The following ADAMTS19 variants were observed in gnomAD, a reference collection of about 807,000 sequenced individuals.
ADAMTS19 encodes the protein ADAM metallopeptidase with thrombospondin type 1 motif 19.
In ADAMTS19, 93 loss-of-function variants were observed where a neutral mutation model predicts 153.3. The ratio of observed to expected loss-of-function variants is 0.61; its 90% CI spans 0.51 to 0.72. The LOEUF is 0.72. ADAMTS19 is among the 30% of genes least tolerant of loss of function. The probability of loss-of-function intolerance (pLI) is 0.00; values close to 1 mark genes in which losing one functional copy is unlikely to be tolerated. For missense variants in ADAMTS19, 1,482 were observed against 1,552.1 expected (o/e 0.95, Z 0.76); for synonymous variants, 600 against 556.6 (o/e 1.08, Z -1.10).
intron 18 of ADAMTS19, among the ~76,000 whole-genome samples, chr5:129,684,752 C>A (rs1333983360): frequency 6.6e-6 from 1 of 151,832 alleles, no homozygotes; most frequent in Non-Finnish European, 1.5e-5. Flanking sequence ...CTCTGGGAGG[C>A]CGAGGCGGGC....
intron 6 of ADAMTS19, among the ~76,000 whole-genome samples, chr5:129,550,849 A>G (rs550535850): frequency 2.0e-5 from 3 of 151,826 alleles, no homozygotes; most frequent in South Asian, 4.1e-4. Flanking sequence ...TAAAAATTGT[A>G]TAGAACCTAA....
At position 129,737,473 on chromosome 5, in the gene ADAMTS19, G is replaced by T; in HGVS notation, c.*255G>T. 4.1e-6 allele frequency: 1 copy of T among 241,804 alleles called. No homozygotes were observed. The highest frequency in any genetic ancestry group is 8.4e-5 in the East Asian group (1 of 11,974). The allele number at this position is 241,804 out of a possible 1,614,324, so 15.0% of individuals were successfully genotyped here. On this transcript the variant is annotated 3_prime_UTR_variant, in exon 23 of 23. Coordinates refer to ENST00000274487, the MANE Select transcript of ADAMTS19 (RefSeq NM_133638.6). ...CCAGTAATATAATAAAAAGAAAAAG[G>T]AAAAAAATAGATCATTATACTTAAA...
intron 6 of ADAMTS19, among the ~76,000 whole-genome samples, chr5:129,538,426 T>G (rs1752538266): frequency 1.3e-5 from 2 of 152,086 alleles, no homozygotes; most frequent in Admixed American, 1.3e-4. Context: ...TGCCATTTTT[T>G]CTTTCAAAAC....
Position 129,647,915 on chromosome 5 carries a change from T to C in ADAMTS19, c.2003+20T>C. On this transcript the variant is annotated intron_variant, in intron 12 of 22. Coordinates refer to ENST00000274487, the MANE Select transcript of ADAMTS19 (RefSeq NM_133638.6). ...TCCTGGGTAAACTCAAAGTTCCTGG[T>C]TGGGGGAGGGCACTTTTCAATTTTG... is the stretch of plus-strand genomic sequence containing the variant. 6.2e-7 allele frequency: 1 copy of C among 1,600,202 alleles called. No homozygotes were observed. Among genetic ancestry groups the C allele is most frequent in the African/African-American group, 1.3e-5 (1 of 74,798 alleles).
At chr5:129,483,334 T>A (rs1242214833) in intron 2 of ADAMTS19, among the ~76,000 whole-genome samples, 1 of 152,238 alleles carries the variant, frequency 6.6e-6, no homozygotes, top group Non-Finnish European at 1.5e-5. Context: ...TTCTACCTCA[T>A]ATGGTTATAG....
rs565229114 is a variant in ADAMTS19 at position 129,460,298 on chromosome 5, G to T, written c.-94G>T. On this transcript the variant is annotated 5_prime_UTR_variant, in exon 1 of 23. Coordinates refer to ENST00000274487, the MANE Select transcript of ADAMTS19 (RefSeq NM_133638.6). ...AAGGGCCTGGGCAAATTCGCCGCCC[G>T]GCCTCCTAGCGCTCCGGGGAGGCCG... 8.2e-6 allele frequency: 4 copies of T among 488,604 alleles called. No individual in the cohort carries two copies. The highest frequency in any genetic ancestry group is 1.2e-5 in the Non-Finnish European group (4 of 337,672). The allele number at this position is 488,604 out of a possible 1,614,324, so 30.3% of individuals were successfully genotyped here.
intron 10 of ADAMTS19, among the ~76,000 whole-genome samples, chr5:129,641,186 C>G (rs892755652): frequency 6.6e-6 from 1 of 152,146 alleles, no homozygotes; most frequent in African/African-American, 2.4e-5. Flanking sequence ...GACAATTTTT[C>G]TTTTACATTT....
Position 129,461,035 on chromosome 5 carries a change from T to G in ADAMTS19, c.92-67T>G. The G allele has an allele frequency of 7.8e-7, 1 of 1,283,936 alleles. No individual in the cohort carries two copies. Among genetic ancestry groups the G allele is most frequent in the Non-Finnish European group, 9.8e-7 (1 of 1,017,810 alleles). The allele number at this position is 1,283,936 out of a possible 1,614,324, so 79.5% of individuals were successfully genotyped here. On this transcript the variant is annotated intron_variant, in intron 1 of 22. Coordinates refer to ENST00000274487, the MANE Select transcript of ADAMTS19 (RefSeq NM_133638.6). This position sits in a 1 kb window ranked among gnomAD's most constrained non-coding sequence, Gnocchi z 4.6. ...GCCCTGTATCTATGGACTGTGAGCT[T>G]GGAAATGTTTGTGCTACTGGAACCG...
chr5:129,591,150 A>G (rs1217067003), intron 7 of ADAMTS19, among the ~76,000 whole-genome samples: 1 of 152,154 alleles, frequency 6.6e-6, no homozygotes, highest in African/African-American at 2.4e-5. Context: ...ATTCAATGGT[A>G]TCACCAAGTT....
In ADAMTS19 at chr5:129,523,381, A is replaced by C. The variant is rs552417649; in HGVS notation, c.914-2903A>C. 5.9e-5 allele frequency among the ~76,000 whole-genome samples: 9 copies of C among 152,328 alleles called. 1 individual carries two copies. The South Asian group carries it at 1.9e-3, about 32-fold the overall frequency. ...CTTCACTGAATTTGTATTAAATAGTAAAGAAATATAAAAGGTGCCAGTCAA... is the reference window on the plus strand; with the variant it reads ...CTTCACTGAATTTGTATTAAATAGTCAAGAAATATAAAAGGTGCCAGTCAA... On this transcript the variant is annotated intron_variant, in intron 3 of 22. Coordinates refer to ENST00000274487, the MANE Select transcript of ADAMTS19 (RefSeq NM_133638.6).
At chr5:129,593,711 T>C (rs1250063940) in intron 7 of ADAMTS19, among the ~76,000 whole-genome samples, 1 of 152,158 alleles carries the variant, frequency 6.6e-6, no homozygotes. Flanking sequence ...TCAACCTAAA[T>C]TGAATCTAAA....
At chr5:129,487,782 G>A (rs115943217) in intron 2 of ADAMTS19, among the ~76,000 whole-genome samples, 1,639 of 152,158 alleles carry the variant, frequency 0.011, 26 homozygotes, top group African/African-American at 0.037. Context: ...TTGTCTGTAG[G>A]AGAGGTCTGT....
chr5:129,464,067 A>G (rs1749777403), intron 2 of ADAMTS19, among the ~76,000 whole-genome samples: 1 of 152,212 alleles, frequency 6.6e-6, no homozygotes, highest in African/African-American at 2.4e-5. Flanking sequence ...TTCACCAGGC[A>G]GAAAAAAAAG....
chr5:129,684,505 C>CATTACATTAT (rs1561648019), intron 18 of ADAMTS19, among the ~76,000 whole-genome samples: 1 of 23,274 alleles, frequency 4.3e-5, no homozygotes, highest in Non-Finnish European at 1.8e-4. Flanking sequence ...CTTTGCATTA[C>CATTACATTAT]ATTACATTAC....
intron 2 of ADAMTS19, among the ~76,000 whole-genome samples, chr5:129,489,823 T>C (rs1028375360): frequency 6.6e-6 from 1 of 152,138 alleles, no homozygotes; most frequent in African/African-American, 2.4e-5. Context: ...TCCCAGTGCT[T>C]CAGTTTATTC....
At position 129,737,605 on chromosome 5, in the gene ADAMTS19, G is replaced by A. The variant is rs1258423600; in HGVS notation, c.*387G>A. On this transcript the variant is annotated 3_prime_UTR_variant, in exon 23 of 23. Coordinates refer to ENST00000274487, the MANE Select transcript of ADAMTS19 (RefSeq NM_133638.6). ...ACTGACTTAGCATAATAGTTTAGGTGTATATGAAGAGAAACTATTTTTGTT... is the reference window on the plus strand; with the variant it reads ...ACTGACTTAGCATAATAGTTTAGGTATATATGAAGAGAAACTATTTTTGTT... The A allele has an allele frequency of 6.5e-6, 1 of 152,976 alleles. No homozygotes were observed. The highest frequency in any genetic ancestry group is 2.4e-5 in the African/African-American group (1 of 41,444). 9.5% of individuals were successfully genotyped at this position (152,976 alleles called of 1,614,324 possible).
chr5:129,679,623 C>T (rs1754706909), intron 16 of ADAMTS19, 141 bp from the exon 17 acceptor site: 2 of 747,940 alleles, frequency 2.7e-6, no homozygotes, highest in Admixed American at 3.4e-5. Flanking sequence ...CTAAAAAGAG[C>T]TGCCTCAAGT....
intron 7 of ADAMTS19, among the ~76,000 whole-genome samples, chr5:129,587,046 G>A (rs922117380): frequency 5.4e-5 from 7 of 128,522 alleles, no homozygotes; most frequent in Non-Finnish European, 1.0e-4. Flanking sequence ...CTCTGTTGCT[G>A]GAATTTGGGT....
At chr5:129,619,138 G>A (rs1315685920) in intron 8 of ADAMTS19, among the ~76,000 whole-genome samples, 1 of 151,966 alleles carries the variant, frequency 6.6e-6, no homozygotes, top group African/African-American at 2.4e-5. Context: ...TAGAATTTGA[G>A]TTTGTCCAGG....
Sources: gnomAD v4.1 joint callset for allele counts (sites outside exome capture counted in the v4.1 genomes callset) on GRCh38, gnomAD v4.1.1 for gene constraint, Gnocchi (gnomAD v3.1) non-coding constraint, MANE v1.5 for transcripts, NCBI Gene and HGNC (gene_info 2026-07-23, HGNC 2026-07-21) for gene names.